The following MAP4K4 variants were observed in gnomAD, a reference collection of about 807,000 sequenced individuals.
MAP4K4 encodes the protein mitogen-activated protein kinase kinase kinase kinase 4.
MAP4K4 carries 38 observed loss-of-function variants against 189.6 expected under a neutral mutation model. The ratio of observed to expected loss-of-function variants is 0.20; its 90% confidence interval spans 0.15 to 0.26. The LOEUF (loss-of-function observed/expected upper bound fraction) is 0.26. Among genes scored for constraint, MAP4K4 ranks in the 10% least tolerant of loss-of-function variants. MAP4K4 has a pLI of 1.00. For missense variants in MAP4K4, 1,054 were observed against 1,726.9 expected, an observed-to-expected ratio of 0.61 and a Z score of 6.91; for synonymous variants, 610 against 624.3, an observed-to-expected ratio of 0.98 and a Z score of 0.34.
intron 2 of MAP4K4, among the ~76,000 whole-genome samples, chr2:101,752,092 A>C (rs181822408): frequency 7.9e-5 from 12 of 152,284 alleles, no homozygotes; most frequent in African/African-American, 2.6e-4. Flanking sequence ...CCAAAGCTTA[A>C]CGGTGTTTCA....
intron 2 of MAP4K4, among the ~76,000 whole-genome samples, chr2:101,742,084 T>C (rs547825239): frequency 2.0e-5 from 3 of 152,300 alleles, no homozygotes; most frequent in Non-Finnish European, 4.4e-5. Flanking sequence ...CTGTGTGACC[T>C]GGTTCCAGGG....
At chr2:101,812,019 T>C (rs1000185224) in intron 3 of MAP4K4, among the ~76,000 whole-genome samples, 1 of 152,198 alleles carries the variant, frequency 6.6e-6, no homozygotes, top group Non-Finnish European at 1.5e-5. Context: ...TACACACTCT[T>C]GGAGGAGGAG....
exon 33 of MAP4K4, chr2:101,891,775 A>G (rs1456678593): frequency 2.0e-5 from 3 of 153,072 alleles, no homozygotes; most frequent in African/African-American, 7.2e-5. Flanking sequence ...ATATGTGGAC[A>G]AAGAAGAAGA....
intron 2 of MAP4K4, among the ~76,000 whole-genome samples, chr2:101,764,137 A>G (rs553482806): frequency 6.6e-6 from 1 of 151,358 alleles, no homozygotes; most frequent in South Asian, 2.1e-4. Flanking sequence ...CAGATAAGGA[A>G]ACACCGAGAT....
At chr2:101,797,889 G>GTTTTTTTTGTTTTTTTTT (rs2093919752) in intron 3 of MAP4K4, among the ~76,000 whole-genome samples, 1 of 52,302 alleles carries the variant, frequency 1.9e-5, no homozygotes, top group Non-Finnish European at 3.3e-5. Flanking sequence ...CATTCTTTTA[G>GTTTTTTTTGTTTTTTTTT]TTTTTTTTTT....
intron 20 of MAP4K4, 70 bp from the exon 21 acceptor site, chr2:101,867,959 G>A (rs2097863578): frequency 8.0e-6 from 12 of 1,506,580 alleles, no homozygotes; most frequent in African/African-American, 5.5e-5. Context: ...TTTCTCCCGC[G>A]CTTCCTTGTA....
intron 2 of MAP4K4, among the ~76,000 whole-genome samples, chr2:101,719,529 T>C (rs1205119819): frequency 6.6e-6 from 1 of 152,004 alleles, no homozygotes; most frequent in Non-Finnish European, 1.5e-5. Flanking sequence ...GCAACAGCTG[T>C]GTTTTGAGGC....
intron 3 of MAP4K4, among the ~76,000 whole-genome samples, chr2:101,814,956 C>T (rs1443025412): frequency 6.6e-6 from 1 of 152,200 alleles, no homozygotes; most frequent in Non-Finnish European, 1.5e-5. Context: ...TAGAAAGTCA[C>T]TGAGCTGTGT....
chr2:101,718,312 G>A (rs2049639253), intron 2 of MAP4K4, among the ~76,000 whole-genome samples: 1 of 151,294 alleles, frequency 6.6e-6, no homozygotes, highest in Non-Finnish European at 1.5e-5. Flanking sequence ...TCTCCTTTAT[G>A]TACATTTCCT....
intron 2 of MAP4K4, among the ~76,000 whole-genome samples, chr2:101,751,308 A>G (rs2068814845): frequency 6.6e-6 from 1 of 152,204 alleles, no homozygotes; most frequent in Admixed American, 6.5e-5. Context: ...GCCTTTGTAG[A>G]AATGATCTTT....
intron 2 of MAP4K4, among the ~76,000 whole-genome samples, chr2:101,730,878 T>C (rs1046591727): frequency 1.3e-5 from 2 of 151,718 alleles, no homozygotes; most frequent in Non-Finnish European, 2.9e-5. Context: ...AAACCCCATC[T>C]CTACAAAAAA....
chr2:101,861,015 A>G, intron 16 of MAP4K4, 29 bp downstream of exon 16: 1 of 1,567,630 alleles, frequency 6.4e-7, no homozygotes, highest in Non-Finnish European at 8.6e-7. Context: ...GCTGTGGTTG[A>G]GGAGACTCAT....
chr2:101,748,322 T>C lies in MAP4K4; in HGVS notation c.124-42398T>C, dbSNP rs529780577. ...GTATGTGCCTCTGTGTATATGGAAG[T>C]AACAAATGCTTCTGGTATTTGCCTT... On this transcript the variant is annotated intron_variant, in intron 2 of 32. Transcript: ENST00000324219. Among the ~76,000 whole-genome samples the C allele has an allele frequency of 1.3e-3, 194 of 152,336 alleles. 1 individual carries two copies. The highest frequency in any genetic ancestry group is 4.6e-3 in the African/African-American group (190 of 41,574).
intron 11 of MAP4K4, 98 bp downstream of exon 11, chr2:101,842,779 C>A: frequency 2.6e-6 from 2 of 768,406 alleles, no homozygotes; most frequent in Non-Finnish European, 4.1e-6. Context: ...TACAAAGAAT[C>A]TTAAATTACT....
At chr2:101,716,941 G>A (rs151325242) in intron 2 of MAP4K4, among the ~76,000 whole-genome samples, 3 of 152,098 alleles carry the variant, frequency 2.0e-5, no homozygotes, top group Non-Finnish European at 2.9e-5. Flanking sequence ...AACTTTTGGG[G>A]AATGAGATGG....
In MAP4K4 at chr2:101,842,519, T is replaced by C. The variant is rs538772833; in HGVS notation, c.950-90T>C. 69 of 880,172 alleles carry C rather than the reference T, an allele frequency of 7.8e-5. 1 individual carries two copies. In the South Asian group the frequency reaches 1.3e-3, roughly 16 times the overall value. The allele number at this position is 880,172 out of a possible 1,614,324, so 54.5% of individuals were successfully genotyped here. A position where few individuals can be genotyped will look rare whatever the true frequency, so the allele number is the denominator to read the frequency against. Reference sequence around the variant, plus strand: ...GTTTTCACAGGGAACTTGTTTATTTTCTGCCAAGGTGCTCCTGCAGATGCT... The same window carrying C: ...GTTTTCACAGGGAACTTGTTTATTTCCTGCCAAGGTGCTCCTGCAGATGCT... On this transcript the variant is annotated intron_variant, in intron 10 of 32. Coordinates refer to ENST00000324219, the Ensembl canonical transcript of MAP4K4.
chr2:101,839,226 A>G (rs2096850409), intron 9 of MAP4K4, among the ~76,000 whole-genome samples: 1 of 152,220 alleles, frequency 6.6e-6, no homozygotes, highest in South Asian at 2.1e-4. Flanking sequence ...TAGTATGGCA[A>G]ATGTAGGTGA....
intron 2 of MAP4K4, among the ~76,000 whole-genome samples, chr2:101,760,577 C>CA (rs1457887612): frequency 1.3e-5 from 2 of 150,476 alleles, no homozygotes; most frequent in Non-Finnish European, 2.9e-5. Flanking sequence ...TTTATATTCT[C>CA]ACACTATTTT....
rs1211416761 is a variant in MAP4K4 at position 101,891,161 on chromosome 2, T to G, written c.4072-5T>G. Reference sequence around the variant, plus strand: ...ACCATTCCCTCTCTTTTCTTGCTTTTGCAGGTGTTCTTTGCCTCTGTTCGG... The same window carrying G: ...ACCATTCCCTCTCTTTTCTTGCTTTGGCAGGTGTTCTTTGCCTCTGTTCGG... On this transcript the variant is annotated splice_polypyrimidine_tract_variant and splice_region_variant and intron_variant, in intron 32 of 32. Coordinates refer to ENST00000324219, the Ensembl canonical transcript of MAP4K4. 6.2e-7 allele frequency: 1 copy of G among 1,612,962 alleles called. No homozygotes were observed.
Sources: allele counts gnomAD v4.1 joint callset (sites outside exome capture counted in the v4.1 genomes callset), GRCh38; gene constraint gnomAD v4.1.1; transcripts MANE v1.5; gene names NCBI Gene and HGNC (gene_info 2026-07-23, HGNC 2026-07-21).